CT45A10: variants seen among roughly 807,000 people sequenced by gnomAD.
The protein encoded by CT45A10 is cancer/testis antigen family 45 member A10.
A neutral mutation model predicts 8.3 loss-of-function variants in CT45A10; 19 were observed. The observed-to-expected ratio is 2.30, with a 90% confidence interval of 1.61 to 3.38. The LOEUF (loss-of-function observed/expected upper bound fraction) is 3.38, where lower values mean the gene tolerates loss of function less well. Ranked by LOEUF, CT45A10 falls within the 30% of genes most tolerant of loss-of-function variation. The pLI is 0.00. For synonymous variants in CT45A10, 28 were observed against 26.5 expected (o/e 1.06, Z -0.17); for missense variants, 149 against 85.9 (o/e 1.73, Z -2.90).
chrX:135,892,328 A>T (rs1482498365), intron 1 of CT45A10, among the ~76,000 whole-genome samples: 7 of 112,263 alleles, frequency 6.2e-5, no homozygotes, highest in Admixed American at 1.9e-4. Context: ...GCAAGTGTAG[A>T]CATAAGGAGA....
rs1206923059 is a variant in CT45A10, at chrX:135,883,378, C to T, written c.170-122G>A. On this transcript the variant is annotated intron_variant, in intron 2 of 4. Coordinates refer to ENST00000682849, the MANE Select transcript of CT45A10 (RefSeq NM_001291529.2). ...AACTGAGAAGTTGAGCTGTGAGATA[C>T]GTGTGTTTCATCACCCCTCTGGGTA... The T allele has an allele frequency of 3.1e-4, 355 of 1,147,459 alleles. 2 individuals are homozygous for T. The highest frequency in any genetic ancestry group is 2.0e-3 in the South Asian group (103 of 51,062). 94.6% of individuals were successfully genotyped at this position (1,147,459 alleles called of 1,213,427 possible).
chrX:135,891,138 T>G (rs781910365), intron 1 of CT45A10, among the ~76,000 whole-genome samples: 2 of 111,563 alleles, frequency 1.8e-5, no homozygotes, highest in African/African-American at 3.2e-5. Context: ...TAAAGATAGA[T>G]AGTGAATCCA....
intron 3 of CT45A10, among the ~76,000 whole-genome samples, 178 bp downstream of exon 3, chrX:135,882,830 G>A (rs1328012381): frequency 7.7e-5 from 8 of 104,541 alleles, no homozygotes; most frequent in African/African-American, 2.8e-4. Context: ...AACCAAGTAA[G>A]AAAAGAAAAA....
rs1333454447 is a variant in CT45A10, at chrX:135,883,091, A to G, written c.335T>C (p.Ile112Thr). The G allele has an allele frequency of 2.6e-4, 306 of 1,196,817 alleles. 2 individuals carry two copies. Among genetic ancestry groups the G allele is most frequent in the Non-Finnish European group, 3.1e-4 (274 of 885,107 alleles). The change falls in exon 3 of 5, where the codon ATA (isoleucine) becomes ACA (threonine). Residue 112 changes from isoleucine (I) to threonine (T), a missense_variant. Ile to Thr is a moderately conservative substitution (Grantham distance 89). Transcript: ENST00000682849. ...FSGDDLECRG[I>T]ASSPKSQQEI... ...TTGTTGGCTTTTGGGAGAGGAGGCT[A>G]TTCCTCTGCATTCTAGGTCATCTCC...
In CT45A10 at chrX:135,882,970, C is replaced by G. The variant is rs1417124061; in HGVS notation, c.418+38G>C. ...TCTGAATCATAGAAAGAGTGACTTCCTACAGTTTTATAAAACAGACGTTCT... is the reference window on the plus strand; with the variant it reads ...TCTGAATCATAGAAAGAGTGACTTCGTACAGTTTTATAAAACAGACGTTCT... On this transcript the variant is annotated intron_variant, in intron 3 of 4. Transcript: ENST00000682849. The G allele has an allele frequency of 3.5e-5, 41 of 1,184,927 alleles. 1 individual carries two copies. In the African/African-American group the frequency reaches 7.3e-4, roughly 21 times the overall value.
intron 1 of CT45A10, among the ~76,000 whole-genome samples, chrX:135,892,012 T>C (rs1239003581): frequency 4.9e-5 from 2 of 41,035 alleles, no homozygotes; most frequent in Non-Finnish European, 8.5e-5. Flanking sequence ...CATGAAAAAG[T>C]GCTCCGAAAA....
chrX:135,889,705 G>T (rs1031834981), intron 1 of CT45A10, among the ~76,000 whole-genome samples: 4 of 109,240 alleles, frequency 3.7e-5, no homozygotes, highest in Non-Finnish European at 7.6e-5. Flanking sequence ...CAGAAAATTA[G>T]CCAGGTGTGG....
chrX:135,881,749 T>C (rs1254526436), intron 4 of CT45A10, among the ~76,000 whole-genome samples: 3 of 39,713 alleles, frequency 7.6e-5, no homozygotes, highest in South Asian at 1.7e-3. Flanking sequence ...AAAGAAAATA[T>C]GGTACATATA....
chrX:135,883,094 C>T lies in CT45A10; in HGVS notation c.332G>A (p.Gly111Glu), dbSNP rs1306274126. Residue 111 changes from glycine to glutamate, a missense_variant, in exon 3 of 5, where the codon GGA becomes GAA. Transcript: ENST00000682849. Reference protein sequence around the residue: ...NFSGDDLECRGIASSPKSQQE... With the variant: ...NFSGDDLECREIASSPKSQQE... Reference sequence around the variant, plus strand: ...TTGGCTTTTGGGAGAGGAGGCTATTCCTCTGCATTCTAGGTCATCTCCAGA... The same window carrying T: ...TTGGCTTTTGGGAGAGGAGGCTATTTCTCTGCATTCTAGGTCATCTCCAGA... The T allele has an allele frequency of 1.8e-4, 220 of 1,196,764 alleles. 1 individual carries two copies. The highest frequency in any genetic ancestry group is 2.3e-4 in the Non-Finnish European group (202 of 885,125).
chrX:135,890,308 A>G (rs1028419032), intron 1 of CT45A10, among the ~76,000 whole-genome samples: 1 of 112,307 alleles, frequency 8.9e-6, no homozygotes, highest in Non-Finnish European at 1.9e-5. Context: ...CCTGCTGGGA[A>G]CTCTGGCCAG....
intron 1 of CT45A10, chrX:135,889,249 G>A (rs1205112947): frequency 1.2e-5 from 2 of 172,786 alleles, no homozygotes; most frequent in African/African-American, 6.3e-5. Context: ...TTCTCACCCA[G>A]CGGGATGAAA....
rs1218076498 is a variant in CT45A10, at chrX:135,882,991, G to A, written c.418+17C>T. On this transcript the variant is annotated intron_variant, in intron 3 of 4. Transcript: ENST00000682849. ...CTTCCTACAGTTTTATAAAACAGAC[G>A]TTCTTACACTACTTACTTCGTCCAA... The A allele has an allele frequency of 6.8e-5, 81 of 1,192,607 alleles. No homozygotes were observed. The South Asian group carries it at 1.0e-3, about 15-fold the overall frequency.
intron 1 of CT45A10, among the ~76,000 whole-genome samples, chrX:135,889,906 A>G (rs6528303): frequency 0.21 from 23,502 of 110,536 alleles, 2,009 homozygotes; most frequent in Non-Finnish European, 0.26. Flanking sequence ...TAAAAAAAGT[A>G]ATAATAATTT....
rs1259633571 is a variant in CT45A10 at position 135,883,145 on chromosome X, A to G, written c.281T>C (p.Val94Ala). 3.3e-6 allele frequency: 4 copies of G among 1,198,742 alleles called. No individual in the cohort carries two copies. In the East Asian group the frequency reaches 8.9e-5, roughly 27 times the overall value. The change falls in exon 3 of 5, where the codon GTG becomes GCG. Residue 94 changes from valine to alanine, a missense_variant. Coordinates refer to ENST00000682849, the MANE Select transcript of CT45A10 (RefSeq NM_001291529.2). ...GAAATTGCTGGTAACGTTTCCTCCCACAGGTGCATTGCTACCAGGTTTCTG... is the reference window on the plus strand; with the variant it reads ...GAAATTGCTGGTAACGTTTCCTCCCGCAGGTGCATTGCTACCAGGTTTCTG... ...MMQKPGSNAP[V>A]GGNVTSNFSG...
chrX:135,891,122 CATT>C (rs1556589899), intron 1 of CT45A10, among the ~76,000 whole-genome samples: 2 of 111,415 alleles, frequency 1.8e-5, no homozygotes, highest in African/African-American at 6.5e-5. Context: ...CTGCAGAAAA[CATT>C]ATTAAAGATA....
chrX:135,890,476 G>C (rs1203314350), intron 1 of CT45A10, among the ~76,000 whole-genome samples: 1 of 112,518 alleles, frequency 8.9e-6, no homozygotes, highest in African/African-American at 3.2e-5. Context: ...CTAAAACTTG[G>C]TAAGACTGGT....
chrX:135,883,303 A>C lies in CT45A10; in HGVS notation c.170-47T>G, dbSNP rs1468524692. On this transcript the variant is annotated intron_variant, in intron 2 of 4. Coordinates refer to ENST00000682849, the MANE Select transcript of CT45A10 (RefSeq NM_001291529.2). ...AAAAGCCATCAGTTGGTGTTTGACCACTTTCTTTCCCCTCCACATAAACCT... is the reference window on the plus strand; with the variant it reads ...AAAAGCCATCAGTTGGTGTTTGACCCCTTTCTTTCCCCTCCACATAAACCT... 1.1e-4 allele frequency: 126 copies of C among 1,193,172 alleles called. 1 individual carries two copies. In the African/African-American group the frequency reaches 1.9e-3, roughly 18 times the overall value.
rs1463135105 is a variant in CT45A10 at position 135,888,022 on chromosome X, A to G, written c.-6-2672T>C. ...TGCGATCAACCAACCGAGGAAAAGC[A>G]CCCCAACCTGGGTCGAGACAGAGTT... On this transcript the variant is annotated intron_variant, in intron 1 of 4. Transcript: ENST00000682849. 1.9e-3 allele frequency among the ~76,000 whole-genome samples: 215 copies of G among 111,058 alleles called. No homozygotes were observed. The East Asian group carries it at 0.029, about 15-fold the overall frequency.
intron 1 of CT45A10, among the ~76,000 whole-genome samples, 59 bp downstream of exon 1, chrX:135,893,286 C>T (rs945674098): frequency 1.8e-5 from 2 of 111,743 alleles, no homozygotes; most frequent in Admixed American, 9.4e-5. Flanking sequence ...GACACTTTCC[C>T]GGGCGAAATT....
Sources: gnomAD v4.1 joint callset for allele counts (sites outside exome capture counted in the v4.1 genomes callset) on GRCh38, gnomAD v4.1.1 for gene constraint, MANE v1.5 for transcripts, NCBI Gene and HGNC (gene_info 2026-07-23, HGNC 2026-07-21) for gene names.